The following TMF1 variants were observed in gnomAD, a reference collection of about 807,000 sequenced individuals.
TMF1 encodes the protein TATA element modulatory factor 1, also known as TATA element modulatory factor.
A neutral mutation model predicts 126.5 loss-of-function variants in TMF1; 71 were observed. The observed-to-expected ratio is 0.56, with a 90% CI of 0.46 to 0.68. TMF1 has a LOEUF of 0.68. Ranked by LOEUF, TMF1 falls within the 30% of genes least tolerant of loss-of-function variation. The probability of loss-of-function intolerance (pLI) is 0.00; values close to 1 mark genes in which losing one functional copy is unlikely to be tolerated. For missense variants in TMF1, 1,259 were observed against 1,253.2 expected (o/e 1.00, Z -0.07); for synonymous variants, 461 against 430.5 (o/e 1.07, Z -0.88).
rs551448356 is a variant in TMF1, at chr3:69,030,131, T to C, written c.2402-124A>G. The C allele has an allele frequency of 2.4e-5, 19 of 776,712 alleles. No homozygotes were observed. In the African/African-American group the frequency reaches 2.6e-4, roughly 11 times the overall value. The allele number at this position is 776,712 out of a possible 1,614,324, so 48.1% of individuals were successfully genotyped here. A position where few individuals can be genotyped will look rare whatever the true frequency, so the allele number is the denominator to read the frequency against. On this transcript the variant is annotated intron_variant, in intron 10 of 16. Coordinates refer to ENST00000398559, the MANE Select transcript of TMF1 (RefSeq NM_007114.3). Reference sequence around the variant, plus strand: ...CACACTTAAAACTGATAACTATTTATTGCCTAAGGCAGGACTGTCTACTGA... The same window carrying C: ...CACACTTAAAACTGATAACTATTTACTGCCTAAGGCAGGACTGTCTACTGA...
intron 5 of TMF1, 71 bp from the exon 6 acceptor site, chr3:69,039,764 T>A: frequency 6.7e-7 from 1 of 1,486,776 alleles, no homozygotes; most frequent in Non-Finnish European, 9.0e-7. Flanking sequence ...ATGTTTTATC[T>A]AATAGTAACA....
chr3:69,040,980 G>A (rs1002137936), intron 5 of TMF1, among the ~76,000 whole-genome samples: 1 of 151,524 alleles, frequency 6.6e-6, no homozygotes, highest in Non-Finnish European at 1.5e-5. Flanking sequence ...ACCCTTTTGT[G>A]AAATGTAAAT....
intron 2 of TMF1, among the ~76,000 whole-genome samples, chr3:69,045,184 G>A (rs186648148): frequency 3.3e-5 from 5 of 152,322 alleles, no homozygotes; most frequent in East Asian, 1.9e-4. Context: ...TAGGCCAGGC[G>A]CAGTGGCTCA....
At chr3:69,043,039 C>T (rs1204798257) in intron 4 of TMF1, 127 bp from the exon 5 acceptor site, 2 of 659,956 alleles carry the variant, frequency 3.0e-6, no homozygotes, top group African/African-American at 3.6e-5. Flanking sequence ...AAGTTTTGTT[C>T]AGTTAATCTA....
chr3:69,037,797 T>C (rs1310294548), intron 8 of TMF1, among the ~76,000 whole-genome samples: 1 of 151,966 alleles, frequency 6.6e-6, no homozygotes, highest in East Asian at 1.9e-4. Context: ...AGTGAGACTC[T>C]GTCTCAAAAA....
At position 69,021,685 on chromosome 3, in the gene TMF1, GTTTTTT is replaced by G. The variant is rs35347565; in HGVS notation, c.*1486_*1491del. ...TTAACTAAAAATTAAATAAGAGTTT[GTTTTTT>G]TTTTTTTGAGACGGAGTCTTTCTCT... On this transcript the variant is annotated 3_prime_UTR_variant, in exon 17 of 17. Transcript: ENST00000398559. 2 of 143,620 alleles carry G rather than the reference GTTTTTT, an allele frequency of 1.4e-5. No homozygotes were observed. Among genetic ancestry groups the G allele is most frequent in the African/African-American group, 5.1e-5 (2 of 39,394 alleles). 8.9% of individuals were successfully genotyped at this position (143,620 alleles called of 1,614,324 possible).
rs1198601302 is a variant in TMF1, at chr3:69,048,156, T to C, written c.549A>G (p.Lys183=). Residue 183 remains lysine (K), a synonymous_variant, in exon 2 of 17, where the codon AAA becomes AAG. Transcript: ENST00000398559. ...CAGTTGGCACCTTCATATCCGATTC[T>C]TTATTAACAGTTTCTTCGTGCTTGC... ...TEGKHEETVN[K]ESDMKVPTVS... The C allele has an allele frequency of 6.2e-7, 1 of 1,614,254 alleles. No individual in the cohort carries two copies. The highest frequency in any genetic ancestry group is 1.3e-5 in the African/African-American group (1 of 75,070).
At chr3:69,039,880 T>G (rs773844072) in intron 5 of TMF1, among the ~76,000 whole-genome samples, 187 bp from the exon 6 acceptor site, 12 of 152,222 alleles carry the variant, frequency 7.9e-5, no homozygotes, top group Admixed American at 2.6e-4. Flanking sequence ...TAAAAGGTTG[T>G]TGGGAACTGG....
Position 69,027,955 on chromosome 3 carries a change from T to G in TMF1, c.2702A>C (p.Lys901Thr). The G allele has an allele frequency of 6.3e-6, 10 of 1,584,196 alleles. No homozygotes were observed. Among genetic ancestry groups the G allele is most frequent in the Non-Finnish European group, 8.7e-6 (10 of 1,154,706 alleles). Residue 901 changes from lysine (K) to threonine (T), a missense_variant, in exon 13 of 17, where the codon AAA (lysine) becomes ACA (threonine). Transcript: ENST00000398559. ...LNSQLEMERM[K>T]VEQERKKAIF... ...GGCTTTCTTCCTTTCTTGTTCAACT[T>G]TCATTCTTTCCATTTCTAACTGACT...
At position 69,024,171 on chromosome 3, in the gene TMF1, C is replaced by G; in HGVS notation, c.3022G>C (p.Gly1008Arg). ...ATTGATCGAGTTTTTTCTAGATTGC[C>G]AATTTCTAGCTGAGAAGCATTACCA... The part of the protein sequence containing the change: ...GEITHLQLEI[G>R]NLEKTRSIMA... The change falls in exon 16 of 17, where the codon GGC (glycine) becomes CGC (arginine). Residue 1008 changes from glycine (G) to arginine (R), a missense_variant. Gly to Arg is a moderately radical substitution (Grantham distance 125). Coordinates refer to ENST00000398559, the MANE Select transcript of TMF1 (RefSeq NM_007114.3). The G allele has an allele frequency of 1.2e-6, 2 of 1,602,102 alleles. No individual in the cohort carries two copies. Among genetic ancestry groups the G allele is most frequent in the African/African-American group, 1.3e-5 (1 of 74,352 alleles).
intron 3 of TMF1, 116 bp downstream of exon 3, chr3:69,044,376 T>G: frequency 1.7e-6 from 1 of 593,774 alleles, no homozygotes; most frequent in Non-Finnish European, 2.9e-6. Flanking sequence ...GCTATACAAC[T>G]TTCAATAATG....
Position 69,047,480 on chromosome 3 carries a change from C to G in TMF1, c.1225G>C (p.Asp409His). ...SATPVNCEQP[D>H]ILVSSTPINE... ...ATTGGTGTGGAAGAAACCAAGATAT[C>G]AGGCTGTTCACAGTTAACAGGAGTT... Residue 409 changes from aspartate to histidine, a missense_variant, in exon 2 of 17, where the codon GAT becomes CAT. Asp to His is a moderately conservative substitution (Grantham distance 81). Transcript: ENST00000398559. The G allele has an allele frequency of 1.2e-6, 2 of 1,614,194 alleles. No homozygotes were observed. Among genetic ancestry groups the G allele is most frequent in the Non-Finnish European group, 1.7e-6 (2 of 1,180,020 alleles).
intron 4 of TMF1, among the ~76,000 whole-genome samples, chr3:69,043,526 C>CT (rs1201642172): frequency 6.6e-6 from 1 of 152,062 alleles, no homozygotes; most frequent in Non-Finnish European, 1.5e-5. Flanking sequence ...AGGCTGCTCT[C>CT]TAACTCCTGG....
chr3:69,034,521 C>G (rs371751751), intron 9 of TMF1, among the ~76,000 whole-genome samples: 19 of 152,206 alleles, frequency 1.2e-4, no homozygotes, highest in African/African-American at 4.6e-4. Flanking sequence ...CTTTAAAAAG[C>G]GTTTCTAAGA....
intron 11 of TMF1, among the ~76,000 whole-genome samples, chr3:69,029,042 ATTT>A (rs202102186): frequency 6.8e-6 from 1 of 146,228 alleles, no homozygotes; most frequent in Non-Finnish European, 1.5e-5. Flanking sequence ...TACTTTATTT[ATTT>A]TTTTTTTTTT....
rs2091816319 is a variant in TMF1, at chr3:69,033,538, A to T, written c.2401+10T>A. On this transcript the variant is annotated intron_variant, in intron 10 of 16. Coordinates refer to ENST00000398559, the MANE Select transcript of TMF1 (RefSeq NM_007114.3). ...GCTTCTGCATCGAGCATAAAAACTAAAGCAGTTACCAAGCCTATCAGAAAG... is the reference window on the plus strand; with the variant it reads ...GCTTCTGCATCGAGCATAAAAACTATAGCAGTTACCAAGCCTATCAGAAAG... 1 of 1,607,520 alleles carries T rather than the reference A, an allele frequency of 6.2e-7. No homozygotes were observed. The highest frequency in any genetic ancestry group is 8.5e-7 in the Non-Finnish European group (1 of 1,178,138).
chr3:69,037,453 A>G (rs1281486172), intron 8 of TMF1, among the ~76,000 whole-genome samples: 1 of 152,168 alleles, frequency 6.6e-6, no homozygotes, highest in Non-Finnish European at 1.5e-5. Context: ...CAGCCTGGCC[A>G]ACATGGTGAA....
chr3:69,046,490 T>C (rs1486019676), intron 2 of TMF1, among the ~76,000 whole-genome samples: 1 of 152,224 alleles, frequency 6.6e-6, no homozygotes, highest in Non-Finnish European at 1.5e-5. Flanking sequence ...TGTGAATATT[T>C]AACCTGATTA....
intron 9 of TMF1, 123 bp downstream of exon 9, chr3:69,034,900 A>G: frequency 1.2e-6 from 1 of 829,446 alleles, no homozygotes; most frequent in East Asian, 2.4e-5. Flanking sequence ...ACAAAAATTC[A>G]GCAAATGCTA....
Sources: allele counts gnomAD v4.1 joint callset (sites outside exome capture counted in the v4.1 genomes callset), GRCh38; gene constraint gnomAD v4.1.1; transcripts MANE v1.5; gene names NCBI Gene and HGNC (gene_info 2026-07-23, HGNC 2026-07-21).